The following CROCC2 variants were observed in gnomAD, a reference collection of about 807,000 sequenced individuals.
CROCC2 encodes ciliary rootlet coiled-coil, rootletin family member 2, also known as ciliary rootlet coiled-coil protein 2.
Under a neutral mutation model 177.6 loss-of-function variants are expected in CROCC2, and 163 were observed. The observed-to-expected ratio is 0.92, with a 90% confidence interval of 0.81 to 1.05. The LOEUF is 1.05. CROCC2 is among the 50% of genes least tolerant of loss of function. CROCC2 has a pLI of 0.00. For synonymous variants in CROCC2, 904 were observed against 787.3 expected (o/e 1.15, Z -2.48); for missense variants, 1,929 against 1,797.8 (o/e 1.07, Z -1.32).
chr2:240,911,382 C>T (rs550164622), intron 1 of CROCC2, among the ~76,000 whole-genome samples: 3 of 151,060 alleles, frequency 2.0e-5, no homozygotes, highest in Non-Finnish European at 4.4e-5. Flanking sequence ...CAGCAGCCTC[C>T]GCCCTCCCAT....
chr2:240,960,191 C>G lies in CROCC2; in HGVS notation c.3087+747C>G, dbSNP rs1421746334. ...GCCCATCGAGCCATCCACTGAGGCA[C>G]GGGGAGGCCCTAGACAAGCTGGGCT... is the stretch of plus-strand genomic sequence containing the variant. On this transcript the variant is annotated intron_variant, in intron 20 of 31. Transcript: ENST00000690015. The surrounding 1 kb of genome is among the most constrained non-coding windows in gnomAD (Gnocchi z 5.0). 6.6e-6 allele frequency among the ~76,000 whole-genome samples: 1 copy of G among 152,250 alleles called. No individual in the cohort carries two copies. Among genetic ancestry groups the G allele is most frequent in the South Asian group, 2.1e-4 (1 of 4,832 alleles).
rs1327997781 is a variant in CROCC2, at chr2:240,973,145, G to A, written c.4401+4883G>A. Among the ~76,000 whole-genome samples the A allele has an allele frequency of 6.6e-6, 1 of 152,210 alleles. No individual in the cohort carries two copies. Among genetic ancestry groups the A allele is most frequent in the Non-Finnish European group, 1.5e-5 (1 of 68,040 alleles). Reference sequence around the variant, plus strand: ...TTGGTTTTTCCCCTGTTTCACATAAGCCGATGTGTTTGTCAAGAGAAAGTT... The same window carrying A: ...TTGGTTTTTCCCCTGTTTCACATAAACCGATGTGTTTGTCAAGAGAAAGTT... On this transcript the variant is annotated intron_variant, in intron 27 of 31. Transcript: ENST00000690015. The surrounding 1 kb of genome is among the most constrained non-coding windows in gnomAD (Gnocchi z 4.7).
rs1360810549 is a variant in CROCC2 at position 240,973,118 on chromosome 2, G to A, written c.4401+4856G>A. The stretch of plus-strand genomic sequence containing the variant: ...TGACACAACTTCTTTTGCTTTCATG[G>A]GTTGGTTTTTCCCCTGTTTCACATA... On this transcript the variant is annotated intron_variant, in intron 27 of 31. Coordinates refer to ENST00000690015, the MANE Select transcript of CROCC2 (RefSeq NM_001351305.2). The surrounding 1 kb of genome is among the most constrained non-coding windows in gnomAD (Gnocchi z 4.7). Among the ~76,000 whole-genome samples the A allele has an allele frequency of 1.3e-5, 2 of 152,276 alleles. No individual in the cohort carries two copies. Among genetic ancestry groups the A allele is most frequent in the East Asian group, 3.9e-4 (2 of 5,178 alleles).
rs1370943085 is a variant in CROCC2, at chr2:240,949,682, G to A, written c.2632G>A (p.Ala878Thr). 2 of 1,547,882 alleles carry A rather than the reference G, an allele frequency of 1.3e-6. No homozygotes were observed. The highest frequency in any genetic ancestry group is 1.7e-6 in the Non-Finnish European group (2 of 1,145,916). Residue 878 changes from alanine (A) to threonine (T), a missense_variant, in exon 17 of 32, where the codon GCA (alanine) becomes ACA (threonine). Transcript: ENST00000690015. The surrounding 1 kb of genome is among the most constrained non-coding windows in gnomAD (Gnocchi z 4.5). ...GGCGTTGGCCCACCGAGAGGCCCTG[G>A]CACAGCTCCAAAGGGAGAAGGTCTG... ...SQALAHREAL[A>T]QLQREKETLS...
chr2:240,963,387 C>T (rs2059655904), intron 20 of CROCC2, 169 bp from the exon 21 acceptor site: 2 of 681,674 alleles, frequency 2.9e-6, no homozygotes, highest in Admixed American at 3.0e-5. Flanking sequence ...GCCCTGCAGC[C>T]TCCGCAGCAC....
At chr2:240,919,175 C>T (rs1035550341) in intron 2 of CROCC2, among the ~76,000 whole-genome samples, 4 of 140,980 alleles carry the variant, frequency 2.8e-5, no homozygotes, top group South Asian at 4.3e-4. Flanking sequence ...GCCAAGGTGA[C>T]GGCGTGGGGG....
rs762541897 is a variant in CROCC2 at position 240,918,843 on chromosome 2, G to A, written c.196G>A (p.Val66Met). The change falls in exon 2 of 32, where the codon GTG becomes ATG. Residue 66 changes from valine (V) to methionine (M), a missense_variant. By Grantham distance (21) the Val-to-Met change is conservative (BLOSUM62 1). Coordinates refer to ENST00000690015, the MANE Select transcript of CROCC2 (RefSeq NM_001351305.2). This position sits in a 1 kb window ranked among gnomAD's most constrained non-coding sequence, Gnocchi z 6.3. Reference protein sequence around the residue: ...TPVPTRIREIVAGSLSEEPPQ... With the variant: ...TPVPTRIREIMAGSLSEEPPQ... Reference sequence around the variant, plus strand: ...CGTGCCCACCCGCATCCGTGAGATCGTGGCCGGCAGCCTGAGTGAGGAGCC... The same window carrying A: ...CGTGCCCACCCGCATCCGTGAGATCATGGCCGGCAGCCTGAGTGAGGAGCC... 5 of 655,662 alleles carry A rather than the reference G, an allele frequency of 7.6e-6. No individual in the cohort carries two copies. Among genetic ancestry groups the A allele is most frequent in the South Asian group, 1.7e-5 (1 of 58,900 alleles). The allele number at this position is 655,662 out of a possible 1,614,324, so 40.6% of individuals were successfully genotyped here.
chr2:240,956,659 G>T (rs941600181), intron 19 of CROCC2, among the ~76,000 whole-genome samples: 1 of 152,232 alleles, frequency 6.6e-6, no homozygotes, highest in Non-Finnish European at 1.5e-5. Flanking sequence ...AGCAAATATG[G>T]CACTGGGCAG....
In CROCC2 at chr2:240,932,327, G is replaced by C. The variant is rs369580167; in HGVS notation, c.957G>C (p.Glu319Asp). The part of the protein sequence containing the change: ...EKVALQARLS[E>D]QTLLVEKLTE... ...CCCCGACTCCTCCCAGACTCTCGGA[G>C]CAAACCCTGCTGGTGGAGAAGCTTA... Residue 319 changes from glutamate to aspartate, a missense_variant, in exon 8 of 32, where the codon GAG becomes GAC. Coordinates refer to ENST00000690015, the MANE Select transcript of CROCC2 (RefSeq NM_001351305.2). 2.8e-6 allele frequency: 2 copies of C among 716,366 alleles called. No individual in the cohort carries two copies. The highest frequency in any genetic ancestry group is 1.7e-5 in the African/African-American group (1 of 57,382). 44.4% of individuals were successfully genotyped at this position (716,366 alleles called of 1,614,324 possible). A position where few individuals can be genotyped will look rare whatever the true frequency, so the allele number is the denominator to read the frequency against.
intron 15 of CROCC2, 128 bp downstream of exon 15, chr2:240,946,381 T>C (rs2059524880): frequency 2.0e-6 from 2 of 1,001,664 alleles, no homozygotes; most frequent in Non-Finnish European, 2.8e-6. Flanking sequence ...GCCCATGAAA[T>C]GGGCTGTGAG....
chr2:240,907,511 C>A (rs1232221851), intron 1 of CROCC2, among the ~76,000 whole-genome samples: 1 of 152,154 alleles, frequency 6.6e-6, no homozygotes, highest in Non-Finnish European at 1.5e-5. Flanking sequence ...CAAAACTATG[C>A]CACGGCAGGC....
chr2:240,915,135 T>C (rs1280546185), intron 1 of CROCC2, among the ~76,000 whole-genome samples: 1 of 152,062 alleles, frequency 6.6e-6, no homozygotes, highest in Non-Finnish European at 1.5e-5. Context: ...CTGGCCTCAG[T>C]TTCCCCATCT....
At chr2:240,919,894 G>GGGCCCC in intron 2 of CROCC2, 89 bp from the exon 3 acceptor site, 1 of 557,506 alleles carries the variant, frequency 1.8e-6, no homozygotes, top group African/African-American at 1.9e-5. Context: ...CTGGTGGCCA[G>GGGCCCC]CCCAGGGTCC....
intron 27 of CROCC2, chr2:240,981,540 C>G (rs2059800105): frequency 6.6e-6 from 1 of 152,192 alleles, no homozygotes; most frequent in Non-Finnish European, 1.5e-5. Flanking sequence ...ATTCAAATTC[C>G]ATAAAAGCTG....
intron 19 of CROCC2, among the ~76,000 whole-genome samples, chr2:240,956,893 GA>G (rs936165354): frequency 6.6e-6 from 1 of 152,078 alleles, no homozygotes; most frequent in Admixed American, 6.5e-5. Context: ...CCAGCGATAG[GA>G]CATAGATGGG....
At chr2:240,913,963 A>G (rs1446675263) in intron 1 of CROCC2, among the ~76,000 whole-genome samples, 5 of 152,254 alleles carry the variant, frequency 3.3e-5, no homozygotes, top group African/African-American at 1.2e-4. Context: ...GCTCCTGGCA[A>G]GGCCAGACTT....
intron 2 of CROCC2, 149 bp from the exon 3 acceptor site, chr2:240,919,834 C>G (rs935834900): frequency 4.5e-5 from 26 of 576,800 alleles, no homozygotes; most frequent in Non-Finnish European, 9.2e-6. Context: ...GTCCCGGGCT[C>G]AGATCTGGGA....
Position 240,944,485 on chromosome 2 carries a change from T to C in CROCC2, c.2170-1575T>C, listed in dbSNP as rs2059512121. Among the ~76,000 whole-genome samples, 3 of 152,326 alleles carry C rather than the reference T, an allele frequency of 2.0e-5. No homozygotes were observed. In the Middle Eastern group the frequency reaches 0.01, roughly 518 times the overall value. ...TATGTCTATAACATTCTTTTGTGTA[T>C]TTTCTATCCATCCTTCTATCTCTTT... On this transcript the variant is annotated intron_variant, in intron 14 of 31. Transcript: ENST00000690015.
At chr2:240,939,820 C>T (rs1273763140) in intron 14 of CROCC2, among the ~76,000 whole-genome samples, 1 of 152,116 alleles carries the variant, frequency 6.6e-6, no homozygotes, top group Non-Finnish European at 1.5e-5. Flanking sequence ...ATTATTTGGA[C>T]ATATATGGCC....
Sources: gnomAD v4.1 joint callset for allele counts (sites outside exome capture counted in the v4.1 genomes callset) on GRCh38, gnomAD v4.1.1 for gene constraint, Gnocchi (gnomAD v3.1) non-coding constraint, MANE v1.5 for transcripts, NCBI Gene and HGNC (gene_info 2026-07-23, HGNC 2026-07-21) for gene names.